Variants in MYT1L observed in about 807,000 individuals in gnomAD.
MYT1L encodes the protein myelin transcription factor 1-like protein.
Under a neutral mutation model 126.7 loss-of-function variants are expected in MYT1L, and 12 were observed. That is an observed-to-expected ratio of 0.09 (90% CI 0.06 to 0.15). The LOEUF is 0.15. MYT1L is among the 10% of genes least tolerant of loss of function. The pLI is 1.00. For synonymous variants in MYT1L, 541 were observed against 604.2 expected (o/e 0.90, Z 1.53); for missense variants, 979 against 1,585.2 (o/e 0.62, Z 6.49).
At chr2:2,132,869 C>T (rs1207869928) in intron 3 of MYT1L, among the ~76,000 whole-genome samples, 5 of 152,096 alleles carry the variant, frequency 3.3e-5, no homozygotes, top group African/African-American at 7.2e-5. Flanking sequence ...GAAATGCTCA[C>T]GGTGGCCTGT....
At chr2:2,181,608 T>G (rs1158365205) in intron 2 of MYT1L, among the ~76,000 whole-genome samples, 1 of 152,152 alleles carries the variant, frequency 6.6e-6, no homozygotes, top group East Asian at 1.9e-4. Context: ...ATGAGTGTAC[T>G]TAAGGCCCTT....
intron 15 of MYT1L, among the ~76,000 whole-genome samples, chr2:1,891,817 C>T (rs1196053015): frequency 6.6e-6 from 1 of 152,232 alleles, no homozygotes; most frequent in Non-Finnish European, 1.5e-5. Context: ...AGATCTGACC[C>T]TTGCCTCTGA....
At chr2:1,840,293 G>A (rs1180676102) in intron 20 of MYT1L, among the ~76,000 whole-genome samples, 1 of 152,182 alleles carries the variant, frequency 6.6e-6, no homozygotes, top group African/African-American at 2.4e-5. Flanking sequence ...CCCAGCGGTA[G>A]TCACAGGCTC....
At chr2:2,321,019 T>C (rs961835998) in intron 1 of MYT1L, among the ~76,000 whole-genome samples, 2 of 152,240 alleles carry the variant, frequency 1.3e-5, no homozygotes, top group African/African-American at 4.8e-5. Context: ...AAAAATGCCA[T>C]GCTGGCATGA....
chr2:2,310,238 A>C (rs1374196614), intron 1 of MYT1L, among the ~76,000 whole-genome samples: 1 of 151,700 alleles, frequency 6.6e-6, no homozygotes, highest in Non-Finnish European at 1.5e-5. Flanking sequence ...ATTTCAGCAT[A>C]CTCTACCTAT....
intron 2 of MYT1L, among the ~76,000 whole-genome samples, chr2:2,240,750 A>G (rs1483737516): frequency 6.6e-6 from 1 of 152,220 alleles, no homozygotes. Context: ...GCCCTGAGGT[A>G]AAACACGGTG....
Position 1,876,381 on chromosome 2 carries a change from C to A in MYT1L, c.2711+10158G>T, listed in dbSNP as rs142638169. Among the ~76,000 whole-genome samples, 1,017 of 152,198 alleles carry A rather than the reference C, an allele frequency of 6.7e-3. 7 individuals are homozygous for A. The highest frequency in any genetic ancestry group is 0.023 in the African/African-American group (972 of 41,532). ...ACGCGTGGCCTTCGTGCCATCCGTG[C>A]CCAGGACTCCGAGTCCAGCCTGAGA... On this transcript the variant is annotated intron_variant, in intron 18 of 24. Coordinates refer to ENST00000647738, the MANE Select transcript of MYT1L (RefSeq NM_001303052.2).
At chr2:2,044,226 G>A (rs1200980391) in intron 4 of MYT1L, among the ~76,000 whole-genome samples, 1 of 152,150 alleles carries the variant, frequency 6.6e-6, no homozygotes, top group Non-Finnish European at 1.5e-5. Flanking sequence ...AGTACCTACT[G>A]TTCATACTTG....
chr2:1,907,251 G>C (rs564191089), intron 13 of MYT1L, among the ~76,000 whole-genome samples: 13 of 152,248 alleles, frequency 8.5e-5, no homozygotes, highest in Admixed American at 7.8e-4. Flanking sequence ...TTTGAATGGA[G>C]AAAGGGATGT....
At chr2:1,987,874 T>C (rs1242077658) in intron 5 of MYT1L, among the ~76,000 whole-genome samples, 1 of 152,046 alleles carries the variant, frequency 6.6e-6, no homozygotes, top group African/African-American at 2.4e-5. Flanking sequence ...GGGTCCTGGG[T>C]AGATACTGGA....
intron 2 of MYT1L, among the ~76,000 whole-genome samples, chr2:2,240,108 G>A (rs894215401): frequency 1.3e-5 from 2 of 152,074 alleles, no homozygotes; most frequent in African/African-American, 4.8e-5. Context: ...GACCAGCCTG[G>A]CCAACATGGT....
intron 8 of MYT1L, among the ~76,000 whole-genome samples, chr2:1,968,658 G>C (rs1262149749): frequency 6.6e-6 from 1 of 152,162 alleles, no homozygotes; most frequent in Non-Finnish European, 1.5e-5. Flanking sequence ...GGCTCACACA[G>C]AGCCTGCCAG....
intron 3 of MYT1L, among the ~76,000 whole-genome samples, chr2:2,151,999 T>C (rs1385089661): frequency 6.6e-6 from 1 of 152,166 alleles, no homozygotes; most frequent in East Asian, 1.9e-4. Context: ...GAGGTTGCAG[T>C]GAGCCGAGAT....
rs568091102 is a variant in MYT1L, at chr2:2,232,456, TCTTCTACCCA to T, written c.-421+51938_-421+51947del. 4.8e-3 allele frequency among the ~76,000 whole-genome samples: 724 copies of T among 152,350 alleles called. 3 individuals carry two copies. The highest frequency in any genetic ancestry group is 0.017 in the Middle Eastern group (5 of 294). On this transcript the variant is annotated intron_variant, in intron 2 of 24. Transcript: ENST00000647738. ...AAAAGGCACTGGACTTGAAGTCTGC[TCTTCTACCCA>T]CTTCATTAATTTCTCTCGGCCCAAG...
intron 1 of MYT1L, among the ~76,000 whole-genome samples, chr2:2,316,977 AT>A (rs397941762): frequency 1.1e-3 from 163 of 145,892 alleles, no homozygotes; most frequent in African/African-American, 1.3e-3. Flanking sequence ...TGCCCAGCCA[AT>A]TTTTTTTTTT....
intron 3 of MYT1L, among the ~76,000 whole-genome samples, chr2:2,072,871 T>A: frequency 6.6e-6 from 1 of 152,194 alleles, no homozygotes; most frequent in East Asian, 1.9e-4. Flanking sequence ...TCCTTAGCCA[T>A]GTGGAACTGA....
chr2:2,162,022 G>A (rs537784539), intron 3 of MYT1L, among the ~76,000 whole-genome samples: 4 of 152,214 alleles, frequency 2.6e-5, no homozygotes, highest in African/African-American at 7.2e-5. Flanking sequence ...GGATAGACTC[G>A]CTTAGCCAAT....
intron 2 of MYT1L, among the ~76,000 whole-genome samples, chr2:2,239,343 C>T (rs180900629): frequency 6.6e-5 from 10 of 152,344 alleles, no homozygotes; most frequent in African/African-American, 2.4e-4. Flanking sequence ...GCCTCATGAA[C>T]GTTTTTACAG....
intron 3 of MYT1L, among the ~76,000 whole-genome samples, chr2:2,167,257 T>C (rs191806609): frequency 6.6e-5 from 10 of 152,198 alleles, no homozygotes; most frequent in Admixed American, 2.0e-4. Flanking sequence ...AGAATTTGTA[T>C]ATGTTTTCAA....
Sources: allele counts gnomAD v4.1 joint callset (sites outside exome capture counted in the v4.1 genomes callset), GRCh38; gene constraint gnomAD v4.1.1; transcripts MANE v1.5; gene names NCBI Gene and HGNC (gene_info 2026-07-23, HGNC 2026-07-21).